ALK: variants seen among roughly 807,000 people sequenced by gnomAD.
The protein encoded by ALK is ALK receptor tyrosine kinase, also known as ALK tyrosine kinase receptor.
ALK carries 74 observed loss-of-function variants against 163.1 expected under a neutral mutation model. The observed-to-expected ratio is 0.45, with a 90% CI of 0.38 to 0.55. The LOEUF (loss-of-function observed/expected upper bound fraction) is 0.55, where lower values mean the gene tolerates loss of function less well. ALK is among the 20% of genes least tolerant of loss of function. The pLI, the probability that ALK is intolerant of heterozygous loss-of-function variation, is 0.00. For synonymous variants in ALK, 960 were observed against 843.2 expected (o/e 1.14, Z -2.40); for missense variants, 2,063 against 2,105.3 (o/e 0.98, Z 0.39).
chr2:29,532,078 G>T lies in ALK; in HGVS notation c.991C>A (p.His331Asn). Residue 331 changes from histidine (H) to asparagine (N), a missense_variant, in exon 4 of 29, where the codon CAC (histidine) becomes AAC (asparagine). By Grantham distance (68) the His-to-Asn change is moderately conservative. Transcript: ENST00000389048. Reference sequence around the variant, plus strand: ...CTCATCCACGGACTCAGGATGGTGTGCTTGGAGTCAGCTGAGGTGTTGAGA... The same window carrying T: ...CTCATCCACGGACTCAGGATGGTGTTCTTGGAGTCAGCTGAGGTGTTGAGA... ...LLLNTSADSK[H>N]TILSPWMRSS... The T allele has an allele frequency of 1.2e-6, 2 of 1,614,060 alleles. No homozygotes were observed. The highest frequency in any genetic ancestry group is 2.7e-5 in the African/African-American group (2 of 75,014).
rs1248464607 is a variant in ALK at position 29,685,512 on chromosome 2, A to C, written c.952+9338T>G. On this transcript the variant is annotated intron_variant, in intron 3 of 28. Transcript: ENST00000389048. ...CTGTTTATAGTGGAGGAGACAGTTT[A>C]AGGACTGCATTTCCAGCCAGAATTC... 2.0e-5 allele frequency among the ~76,000 whole-genome samples: 3 copies of C among 152,296 alleles called. No homozygotes were observed. In the East Asian group the frequency reaches 5.8e-4, roughly 29 times the overall value.
chr2:29,651,722 G>A (rs1242051783), intron 3 of ALK, among the ~76,000 whole-genome samples: 3 of 152,138 alleles, frequency 2.0e-5, no homozygotes, highest in Non-Finnish European at 1.5e-5. Flanking sequence ...CAGGGGTCCT[G>A]CCTCATCCAG....
At chr2:29,545,799 T>C (rs1180882135) in intron 3 of ALK, among the ~76,000 whole-genome samples, 2 of 152,216 alleles carry the variant, frequency 1.3e-5, no homozygotes, top group Non-Finnish European at 2.9e-5. Context: ...ACCAAGTGTG[T>C]TCATTAAGAG....
At chr2:29,669,348 GTAAGT>G (rs1429387449) in intron 3 of ALK, among the ~76,000 whole-genome samples, 5 of 151,914 alleles carry the variant, frequency 3.3e-5, no homozygotes, top group Non-Finnish European at 7.4e-5. Context: ...ACTTTATATA[GTAAGT>G]TATTTGTCTC....
At chr2:29,888,739 AT>A (rs1667056637) in intron 1 of ALK, among the ~76,000 whole-genome samples, 1 of 152,178 alleles carries the variant, frequency 6.6e-6, no homozygotes, top group Non-Finnish European at 1.5e-5. Context: ...CCCTCTTACT[AT>A]ATCCAAAATT....
chr2:29,499,546 C>T (rs538424479), intron 4 of ALK, among the ~76,000 whole-genome samples: 1 of 152,196 alleles, frequency 6.6e-6, no homozygotes, highest in East Asian at 1.9e-4. Context: ...TACAAATACT[C>T]GAAGTTCAGA....
intron 5 of ALK, among the ~76,000 whole-genome samples, chr2:29,364,846 G>A (rs148216657): frequency 6.6e-6 from 1 of 152,308 alleles, no homozygotes; most frequent in East Asian, 1.9e-4. Context: ...ATGTGAGTTA[G>A]CAGGACCCAT....
intron 1 of ALK, among the ~76,000 whole-genome samples, chr2:29,758,920 G>A (rs1396983231): frequency 2.0e-5 from 3 of 151,978 alleles, no homozygotes; most frequent in African/African-American, 2.4e-5. Flanking sequence ...TTATAGGGTC[G>A]GTGTTTCCTG....
intron 7 of ALK, among the ~76,000 whole-genome samples, chr2:29,319,909 G>T (rs1666962336): frequency 1.3e-5 from 2 of 152,220 alleles, no homozygotes; most frequent in Non-Finnish European, 2.9e-5. Context: ...TAGAAAGAAG[G>T]CAAATGAAGA....
At chr2:29,434,165 T>C (rs548488533) in intron 4 of ALK, among the ~76,000 whole-genome samples, 9 of 152,290 alleles carry the variant, frequency 5.9e-5, no homozygotes, top group African/African-American at 2.2e-4. Flanking sequence ...GGAAAGGGAA[T>C]GCATAAAATT....
chr2:29,211,246 A>G (rs1414480327), intron 24 of ALK, among the ~76,000 whole-genome samples: 2 of 152,256 alleles, frequency 1.3e-5, no homozygotes, highest in Non-Finnish European at 2.9e-5. Context: ...GAGGTGGTGT[A>G]TAAAATGCCC....
chr2:29,572,795 C>T (rs1674416411), intron 3 of ALK, among the ~76,000 whole-genome samples: 1 of 152,138 alleles, frequency 6.6e-6, no homozygotes, highest in Admixed American at 6.5e-5. Flanking sequence ...GGGAAAATGC[C>T]CCTCATCCAC....
chr2:29,783,789 T>C (rs1663915382), intron 1 of ALK, among the ~76,000 whole-genome samples: 1 of 152,106 alleles, frequency 6.6e-6, no homozygotes, highest in South Asian at 2.1e-4. Context: ...CCTCACTGGG[T>C]TCCCTGGGGA....
At chr2:29,800,101 C>T (rs1284650207) in intron 1 of ALK, among the ~76,000 whole-genome samples, 1 of 152,198 alleles carries the variant, frequency 6.6e-6, no homozygotes, top group African/African-American at 2.4e-5. Context: ...GGAATGAGGA[C>T]ACTCATTGGA....
intron 9 of ALK, among the ~76,000 whole-genome samples, chr2:29,292,821 A>G (rs919760211): frequency 5.3e-5 from 8 of 152,210 alleles, no homozygotes; most frequent in African/African-American, 1.9e-4. Context: ...AAGTGGACAG[A>G]AGAAATATCA....
At chr2:29,204,072 G>A (rs13387847) in intron 26 of ALK, among the ~76,000 whole-genome samples, 45,962 of 151,740 alleles carry the variant, frequency 0.3, 8,132 homozygotes, top group East Asian at 0.74. Context: ...CCTTTTCATT[G>A]CATTTCTGTC....
At chr2:29,878,493 C>T (rs1666778019) in intron 1 of ALK, among the ~76,000 whole-genome samples, 1 of 152,180 alleles carries the variant, frequency 6.6e-6, no homozygotes, top group Admixed American at 6.5e-5. Flanking sequence ...CATATTTAAT[C>T]CCAAGCCTAA....
At chr2:29,261,220 A>G (rs1665080603) in intron 11 of ALK, among the ~76,000 whole-genome samples, 1 of 152,172 alleles carries the variant, frequency 6.6e-6, no homozygotes, top group Admixed American at 6.5e-5. Flanking sequence ...TCTTGTACAG[A>G]TGCTGATACC....
At chr2:29,357,643 C>T (rs918417305) in intron 5 of ALK, among the ~76,000 whole-genome samples, 1 of 152,216 alleles carries the variant, frequency 6.6e-6, no homozygotes, top group African/African-American at 2.4e-5. Context: ...TCTCCCCCAC[C>T]TGTCTGTCCA....
Sources: gnomAD v4.1 joint callset for allele counts (sites outside exome capture counted in the v4.1 genomes callset) on GRCh38, gnomAD v4.1.1 for gene constraint, MANE v1.5 for transcripts, NCBI Gene and HGNC (gene_info 2026-07-23, HGNC 2026-07-21) for gene names.